SAXO4: variants seen among roughly 807,000 people sequenced by gnomAD.
The protein encoded by SAXO4 is stabilizer of axonemal microtubules 4, also known as protein phosphatase 1 regulatory subunit 32.
chr11:61,487,009 G>C, the SAXO4 span: 1 of 1,614,094 alleles, frequency 6.2e-7, no homozygotes, highest in East Asian at 2.2e-5. Flanking sequence ...CCACTTCATC[G>C]GATGCAACAG....
the SAXO4 span, among the ~76,000 whole-genome samples, chr11:61,488,391 G>T: frequency 7.3e-6 from 1 of 136,784 alleles, no homozygotes; most frequent in Non-Finnish European, 1.5e-5. Context: ...TGCAAACCCC[G>T]CCTCCCGGGT....
chr11:61,482,455 C>T, the SAXO4 span: 1 of 1,598,526 alleles, frequency 6.3e-7, no homozygotes, highest in Non-Finnish European at 8.6e-7. Context: ...CCCTTCCCAG[C>T]CCCTGCCCTG....
chr11:61,490,084 G>T, the SAXO4 span: 1 of 864,372 alleles, frequency 1.2e-6, no homozygotes. Flanking sequence ...TGGCTCTGGT[G>T]TCCCTTCTCC....
the SAXO4 span, chr11:61,482,949 C>T: frequency 1.1e-6 from 1 of 881,930 alleles, no homozygotes; most frequent in Non-Finnish European, 1.7e-6. Context: ...CATCTTTCTC[C>T]CCTTTGTCCT....
At chr11:61,486,542 G>T in the SAXO4 span, 1 of 1,614,204 alleles carries the variant, frequency 6.2e-7, no homozygotes, top group Non-Finnish European at 8.5e-7. Context: ...GTTCCTACCT[G>T]TGTTGGCCAG....
the SAXO4 span, chr11:61,486,858 CTG>C: frequency 8.9e-7 from 1 of 1,119,426 alleles, no homozygotes; most frequent in Non-Finnish European, 1.4e-6. Flanking sequence ...CAGGTCACAG[CTG>C]TGTGTGCCTC....
chr11:61,482,427 G>A, the SAXO4 span: 7 of 1,613,310 alleles, frequency 4.3e-6, no homozygotes, highest in African/African-American at 2.7e-5. Flanking sequence ...CCCGGCCAGG[G>A]GGTACGGTCT....
chr11:61,481,998 C>T, the SAXO4 span: 1 of 996,432 alleles, frequency 1.0e-6, no homozygotes, highest in Non-Finnish European at 1.5e-6. Context: ...GGAGCAGACC[C>T]TCTGGCTGTC....
At chr11:61,486,495 G>A in the SAXO4 span, 8 of 1,611,094 alleles carry the variant, frequency 5.0e-6, no homozygotes, top group Non-Finnish European at 6.8e-6. Flanking sequence ...GCCACATCCT[G>A]GTGCCAGTGG....
the SAXO4 span, among the ~76,000 whole-genome samples, chr11:61,481,449 C>T: frequency 2.0e-5 from 3 of 152,032 alleles, no homozygotes. Flanking sequence ...GGTCAGGGGC[C>T]GAGTAGTCAA....
chr11:61,487,272 C>T, the SAXO4 span: 2 of 1,567,024 alleles, frequency 1.3e-6, no homozygotes, highest in African/African-American at 1.4e-5. Flanking sequence ...AAAGCTGAAA[C>T]CCATTTGAGA....
At chr11:61,481,693 C>T in the SAXO4 span, 18 of 552,514 alleles carry the variant, frequency 3.3e-5, no homozygotes, top group African/African-American at 2.1e-4. Context: ...GGGCCAGCTG[C>T]GTTGTGGGTG....
At chr11:61,487,988 C>CT in the SAXO4 span, among the ~76,000 whole-genome samples, 8,154 of 133,182 alleles carry the variant, frequency 0.061, 299 homozygotes, top group South Asian at 0.14. Flanking sequence ...TCTTCTTCTT[C>CT]TTTTTTTTTT....
chr11:61,485,883 C>G, the SAXO4 span: 1 of 1,613,942 alleles, frequency 6.2e-7, no homozygotes, highest in Non-Finnish European at 8.5e-7. Context: ...GTCTTCCAAC[C>G]GCCCTCACAG....
At chr11:61,487,215 C>T in the SAXO4 span, 109 of 1,613,926 alleles carry the variant, frequency 6.8e-5, no homozygotes, top group East Asian at 5.8e-4. Context: ...CAGGGATCAG[C>T]GATACCTGAC....
chr11:61,485,751 A>C, the SAXO4 span: 1 of 1,449,060 alleles, frequency 6.9e-7, no homozygotes, highest in East Asian at 2.3e-5. Flanking sequence ...TGGAGGACAC[A>C]TGGGTGGGCC....
chr11:61,481,939 G>A, the SAXO4 span: 2 of 1,508,340 alleles, frequency 1.3e-6, no homozygotes, highest in South Asian at 2.4e-5. Flanking sequence ...CTTTGCGCAG[G>A]AGCCTCTGCT....
chr11:61,485,239 C>A, the SAXO4 span: 1 of 1,082,466 alleles, frequency 9.2e-7, no homozygotes, highest in Non-Finnish European at 1.4e-6. Context: ...CACAGGCTTC[C>A]TCAGAGCACA....
At chr11:61,489,830 A>G in the SAXO4 span, 1 of 1,613,868 alleles carries the variant, frequency 6.2e-7, no homozygotes. Flanking sequence ...GCTGGACTCG[A>G]GGTGGCATCC....
Sources: gnomAD v4.1 joint callset for allele counts (sites outside exome capture counted in the v4.1 genomes callset) on GRCh38, gnomAD v4.1.1 for gene constraint, MANE v1.5 for transcripts, NCBI Gene and HGNC (gene_info 2026-07-23, HGNC 2026-07-21) for gene names.